NACC2: variants seen among roughly 807,000 people sequenced by gnomAD.
The protein encoded by NACC2 is nucleus accumbens-associated protein 2.
NACC2 carries 8 observed loss-of-function variants against 25.1 expected under a neutral mutation model. The ratio of observed to expected loss-of-function variants is 0.32; its 90% CI spans 0.19 to 0.57. NACC2 has a LOEUF of 0.57. Among genes scored for constraint, NACC2 ranks in the 20% least tolerant of loss-of-function variants. The pLI, the probability that NACC2 is intolerant of heterozygous loss-of-function variation, is 0.89. For missense variants in NACC2, 644 were observed against 650.2 expected (o/e 0.99, Z 0.10); for synonymous variants, 435 against 294.7 (o/e 1.48, Z -4.88).
chr9:136,061,784 A>G (rs1315922396), intron 1 of NACC2, among the ~76,000 whole-genome samples: 1 of 152,154 alleles, frequency 6.6e-6, no homozygotes, highest in Non-Finnish European at 1.5e-5. Flanking sequence ...TACAGAGTAC[A>G]GAGGCCCAGG....
intron 1 of NACC2, among the ~76,000 whole-genome samples, chr9:136,091,229 G>C (rs940526580): frequency 2.0e-5 from 3 of 152,096 alleles, no homozygotes; most frequent in African/African-American, 7.2e-5. Context: ...AGCCCCAGCC[G>C]GCATGAAGGC....
chr9:136,064,037 C>T (rs1469774575), intron 1 of NACC2, among the ~76,000 whole-genome samples: 1 of 152,096 alleles, frequency 6.6e-6, no homozygotes, highest in Non-Finnish European at 1.5e-5. Context: ...GCCTATAATC[C>T]CAGCACTTTG....
intron 1 of NACC2, among the ~76,000 whole-genome samples, chr9:136,089,069 A>C (rs1364608864): frequency 6.6e-6 from 1 of 152,190 alleles, no homozygotes; most frequent in Non-Finnish European, 1.5e-5. Flanking sequence ...CAGACACGAA[A>C]TCTGTCTGTT....
chr9:136,040,700 C>T (rs1840614586), intron 2 of NACC2, among the ~76,000 whole-genome samples: 1 of 152,238 alleles, frequency 6.6e-6, no homozygotes, highest in Non-Finnish European at 1.5e-5. Flanking sequence ...TGGCTCACAC[C>T]TATAATCCCA....
chr9:136,049,570 C>T lies in NACC2; in HGVS notation c.886+66G>A, dbSNP rs1011382778. 3.0e-4 allele frequency: 215 copies of T among 709,164 alleles called. 2 individuals carry two copies. In the African/African-American group the frequency reaches 3.3e-3, roughly 11 times the overall value. 43.9% of individuals were successfully genotyped at this position (709,164 alleles called of 1,614,324 possible). A position where few individuals can be genotyped will look rare whatever the true frequency, so the allele number is the denominator to read the frequency against. Reference sequence around the variant, plus strand: ...CCTCCGGCCCAGTGGCCTCCTGAGCCACCCGGGTCCCAGGCAGGCCCCGCT... The same window carrying T: ...CCTCCGGCCCAGTGGCCTCCTGAGCTACCCGGGTCCCAGGCAGGCCCCGCT... On this transcript the variant is annotated intron_variant, in intron 2 of 5. Coordinates refer to ENST00000277554, the MANE Select transcript of NACC2 (RefSeq NM_144653.5).
intron 2 of NACC2, among the ~76,000 whole-genome samples, chr9:136,021,981 G>A (rs1376406093): frequency 6.6e-6 from 1 of 152,240 alleles, no homozygotes; most frequent in Non-Finnish European, 1.5e-5. Flanking sequence ...GGTTTGGCGA[G>A]GGAGCCATTG....
At chr9:136,040,968 A>C (rs940186399) in intron 2 of NACC2, among the ~76,000 whole-genome samples, 9 of 151,860 alleles carry the variant, frequency 5.9e-5, no homozygotes, top group Admixed American at 2.6e-4. Flanking sequence ...CCCTGGAAAG[A>C]AAGAAAGAAA....
intron 2 of NACC2, among the ~76,000 whole-genome samples, chr9:136,017,519 C>T (rs984049176): frequency 6.6e-6 from 1 of 152,104 alleles, no homozygotes; most frequent in Admixed American, 6.5e-5. Flanking sequence ...TGCCCCCCAC[C>T]CCCACCACCC....
intron 1 of NACC2, among the ~76,000 whole-genome samples, chr9:136,078,381 T>G (rs1830285266): frequency 6.6e-6 from 1 of 152,232 alleles, no homozygotes. Context: ...ATTCTGGCTC[T>G]CTCATTTCAG....
rs1207132292 is a variant in NACC2, at chr9:136,019,974, CAG to C, written c.887-3547_887-3546del. The stretch of plus-strand genomic sequence containing the variant: ...TCGTCAGGTCCACAGAGGCGGGAAA[CAG>C]AGGGTGGGTGCCGGGGCTGGGTGGG... On this transcript the variant is annotated intron_variant, in intron 2 of 5. Coordinates refer to ENST00000277554, the MANE Select transcript of NACC2 (RefSeq NM_144653.5). The surrounding 1 kb of genome is among the most constrained non-coding windows in gnomAD (Gnocchi z 5.2). Among the ~76,000 whole-genome samples, 1 of 150,842 alleles carries C rather than the reference CAG, an allele frequency of 6.6e-6. No individual in the cohort carries two copies. Among genetic ancestry groups the C allele is most frequent in the East Asian group, 2.0e-4 (1 of 5,072 alleles).
rs1288843777 is a variant in NACC2 at position 136,049,771 on chromosome 9, C to T, written c.751G>A (p.Ala251Thr). 27 of 775,660 alleles carry T rather than the reference C, an allele frequency of 3.5e-5. No homozygotes were observed. The highest frequency in any genetic ancestry group is 2.0e-4 in the South Asian group (15 of 74,030). The allele number at this position is 775,660 out of a possible 1,614,324, so 48.0% of individuals were successfully genotyped here. A position where few individuals can be genotyped will look rare whatever the true frequency, so the allele number is the denominator to read the frequency against. ...YPQGERTSPG[A>T]SSLPTTDSPT... ...CTGTCGGTGGTGGGCAGGCTGCTGGCGCCTGGACTGGTCCGCTCCCCCTGG... is the reference window on the plus strand; with the variant it reads ...CTGTCGGTGGTGGGCAGGCTGCTGGTGCCTGGACTGGTCCGCTCCCCCTGG... The change falls in exon 2 of 6, where the codon GCC becomes ACC. Residue 251 changes from alanine to threonine, a missense_variant. By Grantham distance (58) the Ala-to-Thr change is moderately conservative (BLOSUM62 0). Transcript: ENST00000277554.
chr9:136,074,884 C>T (rs1374730563), intron 1 of NACC2, among the ~76,000 whole-genome samples: 1 of 152,184 alleles, frequency 6.6e-6, no homozygotes, highest in Admixed American at 6.5e-5. Context: ...CCAGCCGAGG[C>T]GGAGTCGGCA....
intron 1 of NACC2, among the ~76,000 whole-genome samples, chr9:136,094,731 G>C (rs952074857): frequency 6.6e-6 from 1 of 151,858 alleles, no homozygotes; most frequent in Admixed American, 6.5e-5. Flanking sequence ...AGATGCGCCG[G>C]GAGGGGTGGG....
intron 2 of NACC2, among the ~76,000 whole-genome samples, chr9:136,042,663 C>CACACACAG (rs900506320): frequency 1.3e-5 from 2 of 151,300 alleles, no homozygotes; most frequent in African/African-American, 4.9e-5. Flanking sequence ...CACACAGAAA[C>CACACACAG]ACACACAGAC....
At chr9:136,078,985 C>G (rs1309880663) in intron 1 of NACC2, among the ~76,000 whole-genome samples, 1 of 152,236 alleles carries the variant, frequency 6.6e-6, no homozygotes, top group Non-Finnish European at 1.5e-5. Context: ...CGCCGCCCCT[C>G]TCCGATTCCC....
intron 2 of NACC2, among the ~76,000 whole-genome samples, chr9:136,035,591 C>T (rs959763383): frequency 6.6e-6 from 1 of 151,816 alleles, no homozygotes; most frequent in African/African-American, 2.4e-5. Context: ...CTCTAAAGAA[C>T]AATATTGAGA....
Position 136,049,973 on chromosome 9 carries a change from G to C in NACC2, c.549C>G (p.Ala183=). The change falls in exon 2 of 6, where the codon GCC becomes GCG. Residue 183 remains alanine, a synonymous_variant. Coordinates refer to ENST00000277554, the MANE Select transcript of NACC2 (RefSeq NM_144653.5). ...GGCGCTTGGGGGCCAGGCCTGGGCC[G>C]GCCGGCGGCAGCTCCATGGCTTCAT... ...VKHEAMELPP[A]GPGLAPKRPL... is the part of the protein sequence containing the mutation. 1.6e-6 allele frequency: 1 copy of C among 632,242 alleles called. No homozygotes were observed. Among genetic ancestry groups the C allele is most frequent in the Non-Finnish European group, 2.8e-6 (1 of 354,398 alleles). 39.2% of individuals were successfully genotyped at this position (632,242 alleles called of 1,614,324 possible).
Position 136,011,588 on chromosome 9 carries a change from GC to G in NACC2, c.1691del (p.Gly564AlafsTer37). The G allele has an allele frequency of 1.4e-6, 2 of 1,396,962 alleles. No individual in the cohort carries two copies. The highest frequency in any genetic ancestry group is 1.9e-6 in the Non-Finnish European group (2 of 1,080,454). 86.5% of individuals were successfully genotyped at this position (1,396,962 alleles called of 1,614,324 possible). A position where few individuals can be genotyped will look rare whatever the true frequency, so the allele number is the denominator to read the frequency against. On this transcript the variant is annotated frameshift_variant, in exon 6 of 6. Coordinates refer to ENST00000277554, the MANE Select transcript of NACC2 (RefSeq NM_144653.5). LOFTEE classifies it high-confidence loss of function. ...CCGGCGTCTGGGGCCTGCTGGGGCC[GC>G]CCCCGCCCTGCTCAAAGGGCTGTGG... ...SPPQPFEQGGGGPSRPQTPAA... is the reference protein window; with the variant it reads ...SPPQPFEQGGXGPSRPQTPAA...
At position 136,018,861 on chromosome 9, in the gene NACC2, C is replaced by T. The variant is rs1012750140; in HGVS notation, c.887-2432G>A. Among the ~76,000 whole-genome samples, 2 of 152,194 alleles carry T rather than the reference C, an allele frequency of 1.3e-5. No homozygotes were observed. The highest frequency in any genetic ancestry group is 2.9e-5 in the Non-Finnish European group (2 of 68,030). ...ACACACGCGGAGAAGCCGCACGGTG[C>T]GTGGCATTTACATAAAGAGTTCACC... On this transcript the variant is annotated intron_variant, in intron 2 of 5. Coordinates refer to ENST00000277554, the MANE Select transcript of NACC2 (RefSeq NM_144653.5). This position sits in a 1 kb window ranked among gnomAD's most constrained non-coding sequence, Gnocchi z 4.4.
Sources: allele counts gnomAD v4.1 joint callset (sites outside exome capture counted in the v4.1 genomes callset), GRCh38; gene constraint gnomAD v4.1.1; non-coding constraint Gnocchi (gnomAD v3.1); transcripts MANE v1.5; gene names NCBI Gene and HGNC (gene_info 2026-07-23, HGNC 2026-07-21).